The following RBFOX1 variants were observed in gnomAD, a reference collection of about 807,000 sequenced individuals.
The protein encoded by RBFOX1 is RNA binding fox-1 homolog 1.
RBFOX1 carries 8 observed loss-of-function variants against 57.7 expected under a neutral mutation model. The observed-to-expected ratio is 0.14, with a 90% CI of 0.08 to 0.25. The LOEUF (loss-of-function observed/expected upper bound fraction) is 0.25. Among genes scored for constraint, RBFOX1 ranks in the 10% least tolerant of loss-of-function variants. RBFOX1 has a pLI of 1.00. For synonymous variants in RBFOX1, 326 were observed against 222.4 expected (o/e 1.47, Z -4.15); for missense variants, 611 against 548.5 (o/e 1.11, Z -1.14).
At chr16:7,385,989 C>G (rs1448863960) in intron 4 of RBFOX1, among the ~76,000 whole-genome samples, 1 of 150,016 alleles carries the variant, frequency 6.7e-6, no homozygotes, top group Non-Finnish European at 1.5e-5. Flanking sequence ...CGGAGTTTCA[C>G]CATGTTGGCC....
chr16:5,981,099 T>G (rs549808611), intron 4 of RBFOX1, among the ~76,000 whole-genome samples: 2 of 152,212 alleles, frequency 1.3e-5, no homozygotes, highest in East Asian at 3.9e-4. Flanking sequence ...GATATCAGTT[T>G]GGGAGCTACC....
chr16:6,871,604 A>G (rs1452638092), intron 3 of RBFOX1, among the ~76,000 whole-genome samples: 1 of 151,774 alleles, frequency 6.6e-6, no homozygotes, highest in Non-Finnish European at 1.5e-5. Flanking sequence ...TTCTCCTTCT[A>G]TTCTCCTGGC....
chr16:6,410,737 T>A lies in RBFOX1; in HGVS notation c.-64+93680T>A, dbSNP rs143399409. Among the ~76,000 whole-genome samples, 702 of 152,270 alleles carry A rather than the reference T, an allele frequency of 4.6e-3. 2 individuals carry two copies. The highest frequency in any genetic ancestry group is 7.7e-3 in the Non-Finnish European group (521 of 68,020). On this transcript the variant is annotated intron_variant, in intron 2 of 15. Transcript: ENST00000550418. The stretch of plus-strand genomic sequence containing the variant: ...TATCCAAGAGGAATTTGTATTAACT[T>A]CTAGTGCATTTGGCCAGAAAATGCC...
intron 3 of RBFOX1, among the ~76,000 whole-genome samples, chr16:5,648,403 C>T (rs1049980195): frequency 6.6e-6 from 1 of 152,124 alleles, no homozygotes; most frequent in Non-Finnish European, 1.5e-5. Flanking sequence ...GTGCACTCTG[C>T]CAGAAGAGGG....
chr16:7,075,917 CTGAATAACCATGGCTTTATT>C (rs959055431), intron 4 of RBFOX1, among the ~76,000 whole-genome samples: 18 of 152,024 alleles, frequency 1.2e-4, no homozygotes, highest in Non-Finnish European at 2.5e-4. Flanking sequence ...TTTCCTGTAA[CTGAATAACCATGGCTTTATT>C]TGAATGAGGC....
intron 4 of RBFOX1, among the ~76,000 whole-genome samples, chr16:5,904,600 T>G (rs1018011983): frequency 1.3e-5 from 2 of 151,886 alleles, no homozygotes; most frequent in African/African-American, 4.8e-5. Context: ...TGTGAAATGT[T>G]CCCCCTTGAA....
intron 1 of RBFOX1, among the ~76,000 whole-genome samples, chr16:6,294,650 C>G (rs918654261): frequency 1.3e-5 from 2 of 152,162 alleles, no homozygotes; most frequent in Non-Finnish European, 2.9e-5. Context: ...ACTAAAGTAA[C>G]TGGATGATGA....
At chr16:5,493,190 T>C (rs551043686) in intron 2 of RBFOX1, among the ~76,000 whole-genome samples, 9 of 152,368 alleles carry the variant, frequency 5.9e-5, no homozygotes, top group Non-Finnish European at 5.9e-5. Flanking sequence ...GACATAGCTT[T>C]CATTTTTGCC....
intron 14 of RBFOX1, among the ~76,000 whole-genome samples, chr16:7,690,332 C>T (rs1297826916): frequency 6.6e-6 from 1 of 152,066 alleles, no homozygotes; most frequent in Non-Finnish European, 1.5e-5. Flanking sequence ...CACTTGGAAG[C>T]ATTTAAAAAC....
At chr16:7,536,593 C>CAAA (rs1237911230) in intron 5 of RBFOX1, among the ~76,000 whole-genome samples, 117 of 151,986 alleles carry the variant, frequency 7.7e-4, no homozygotes, top group African/African-American at 2.8e-3. Flanking sequence ...GACTTCGTCT[C>CAAA]AAAAAAATAA....
At chr16:6,055,356 G>A (rs1283397142) in intron 1 of RBFOX1, among the ~76,000 whole-genome samples, 1 of 152,066 alleles carries the variant, frequency 6.6e-6, no homozygotes, top group East Asian at 1.9e-4. Flanking sequence ...AGTTTTCAAG[G>A]CTGAGGAGGG....
rs1353899743 is a variant in RBFOX1, at chr16:6,699,523, C to G, written c.-16+44873C>G. On this transcript the variant is annotated intron_variant, in intron 3 of 15. Transcript: ENST00000550418. ...TTATATAATGTGTCCAGTGACCTAT[C>G]AACGCTGACTGGTTGGGCACTCCAG... 3.9e-5 allele frequency among the ~76,000 whole-genome samples: 6 copies of G among 152,186 alleles called. No homozygotes were observed. The East Asian group carries it at 1.2e-3, about 29-fold the overall frequency.
intron 3 of RBFOX1, among the ~76,000 whole-genome samples, chr16:6,831,196 A>G (rs549535834): frequency 3.9e-5 from 6 of 152,310 alleles, no homozygotes; most frequent in Admixed American, 1.3e-4. Flanking sequence ...ATGAGAGAGG[A>G]GACAACACAG....
At chr16:5,456,470 G>A (rs2068634511) in intron 1 of RBFOX1, among the ~76,000 whole-genome samples, 1 of 152,124 alleles carries the variant, frequency 6.6e-6, no homozygotes, top group Non-Finnish European at 1.5e-5. Flanking sequence ...GGTCAGTGAT[G>A]GTTCTATGGT....
rs147830694 is a variant in RBFOX1, at chr16:6,697,791, C to G, written c.-16+43141C>G. ...AAACCAGATCAACAGAAGACCCAAC[C>G]TTGGTATTGGAAGTCCATATCTCTA... On this transcript the variant is annotated intron_variant, in intron 3 of 15. Transcript: ENST00000550418. Among the ~76,000 whole-genome samples, 1,487 of 152,282 alleles carry G rather than the reference C, an allele frequency of 9.8e-3. 18 individuals are homozygous for G. The highest frequency in any genetic ancestry group is 0.015 in the Non-Finnish European group (1,041 of 68,030).
intron 2 of RBFOX1, among the ~76,000 whole-genome samples, chr16:6,334,220 GA>G (rs1567957934): frequency 1.3e-5 from 2 of 151,988 alleles, no homozygotes; most frequent in African/African-American, 4.8e-5. Flanking sequence ...AAAAGTCAAC[GA>G]AAGTGGCCAG....
chr16:7,261,430 C>G (rs1248933040), intron 4 of RBFOX1, among the ~76,000 whole-genome samples: 3 of 152,084 alleles, frequency 2.0e-5, no homozygotes, highest in African/African-American at 7.2e-5. Flanking sequence ...TATTTGGTGC[C>G]TAATAGTTAA....
intron 4 of RBFOX1, among the ~76,000 whole-genome samples, chr16:5,982,271 AT>A (rs138839851): frequency 0.11 from 17,003 of 148,784 alleles, 1,321 homozygotes; most frequent in East Asian, 0.21. Flanking sequence ...TTGCACATGA[AT>A]TTTTTTTTTT....
chr16:7,320,133 G>A (rs2096519600), intron 4 of RBFOX1, among the ~76,000 whole-genome samples: 1 of 152,222 alleles, frequency 6.6e-6, no homozygotes, highest in East Asian at 1.9e-4. Context: ...TATCACATAG[G>A]TAAACGTGTG....
Sources: gnomAD v4.1 joint callset for allele counts (sites outside exome capture counted in the v4.1 genomes callset) on GRCh38, gnomAD v4.1.1 for gene constraint, MANE v1.5 for transcripts, NCBI Gene and HGNC (gene_info 2026-07-23, HGNC 2026-07-21) for gene names.